Variants in ACLY observed in about 807,000 individuals in gnomAD.
The protein encoded by ACLY is ATP citrate lyase, also known as ATP-citrate synthase.
ACLY carries 41 observed loss-of-function variants against 133.0 expected under a neutral mutation model. The ratio of observed to expected loss-of-function variants is 0.31; its 90% confidence interval spans 0.24 to 0.40. ACLY has a LOEUF of 0.40. Ranked by LOEUF, ACLY falls within the 10% of genes least tolerant of loss-of-function variation. The pLI, the probability that ACLY is intolerant of heterozygous loss-of-function variation, is 1.00. For synonymous variants in ACLY, 495 were observed against 549.3 expected, an observed-to-expected ratio of 0.90 and a Z score of 1.38; for missense variants, 1,046 against 1,453.8, an observed-to-expected ratio of 0.72 and a Z score of 4.56.
upstream of ACLY, among the ~76,000 whole-genome samples, chr17:41,920,210 G>C (rs573098336): frequency 2.7e-4 from 41 of 152,328 alleles, no homozygotes; most frequent in African/African-American, 8.7e-4. Flanking sequence ...ACCCATGCCT[G>C]AATCAAGTGT....
intron 14 of ACLY, among the ~76,000 whole-genome samples, chr17:41,895,569 AC>A (rs781840887): frequency 1.1e-4 from 17 of 152,114 alleles, no homozygotes; most frequent in Non-Finnish European, 2.2e-4. Flanking sequence ...TCCCTGACAC[AC>A]CCTCCTTTTA....
intron 10 of ACLY, among the ~76,000 whole-genome samples, chr17:41,902,719 C>G (rs1205172552): frequency 6.6e-6 from 1 of 152,222 alleles, no homozygotes; most frequent in African/African-American, 2.4e-5. Flanking sequence ...TACAGGGCAG[C>G]TCAGAAGTTA....
In ACLY at chr17:41,909,629, A is replaced by T; in HGVS notation, c.417T>A (p.Gly139=). ...GDYVLFHHEG[G]VDVGDVDAKA... ...TGGCGTCCACATCACCCACGTCCAC[A>T]CCCCCCTCGTGGTGGAACAGGACGT... The change falls in exon 5 of 29, where the codon GGT becomes GGA. Residue 139 remains glycine, a synonymous_variant. Coordinates refer to ENST00000352035, the MANE Select transcript of ACLY (RefSeq NM_001096.3). The T allele has an allele frequency of 6.2e-7, 1 of 1,613,570 alleles. No individual in the cohort carries two copies. Among genetic ancestry groups the T allele is most frequent in the Non-Finnish European group, 8.5e-7 (1 of 1,179,860 alleles).
chr17:41,925,314 T>C (rs1466990938), intron 1 of ACLY, among the ~76,000 whole-genome samples: 8 of 151,472 alleles, frequency 5.3e-5, no homozygotes, highest in Admixed American at 4.0e-4. Flanking sequence ...AGGAGTCTTC[T>C]GGCCAGGCAT....
intron 14 of ACLY, 109 bp from the exon 15 acceptor site, chr17:41,893,283 T>C: frequency 8.0e-7 from 1 of 1,257,504 alleles, no homozygotes; most frequent in Non-Finnish European, 1.1e-6. Context: ...CACAGGGTGA[T>C]GCCTCATCAC....
upstream of ACLY, among the ~76,000 whole-genome samples, chr17:41,919,320 A>AGGGGGGGGGGGGGG (rs2050144149): frequency 6.7e-6 from 1 of 149,024 alleles, no homozygotes; most frequent in Non-Finnish European, 1.5e-5. Flanking sequence ...AGGGGCGGGT[A>AGGGGGGGGGGGGGG]GGATTAGCCC....
chr17:41,875,594 G>A (rs530651965), intron 22 of ACLY, among the ~76,000 whole-genome samples: 6 of 152,126 alleles, frequency 3.9e-5, no homozygotes, highest in Admixed American at 6.5e-5. Flanking sequence ...GGCGCGCGCC[G>A]CCACGCCTGA....
intron 1 of ACLY, among the ~76,000 whole-genome samples, chr17:41,918,535 G>A (rs896154941): frequency 1.3e-5 from 2 of 152,240 alleles, no homozygotes; most frequent in Admixed American, 6.5e-5. Context: ...CGATGAGCCC[G>A]AGGAGCCTCG....
intron 13 of ACLY, 83 bp downstream of exon 13, chr17:41,897,666 G>A (rs2049409242): frequency 1.5e-6 from 2 of 1,329,282 alleles, no homozygotes; most frequent in Non-Finnish European, 2.1e-6. Context: ...TGCCAGCCCA[G>A]GGGGGAAAGG....
chr17:41,899,211 G>A (rs2049456766), intron 11 of ACLY, among the ~76,000 whole-genome samples: 1 of 151,866 alleles, frequency 6.6e-6, no homozygotes, highest in Admixed American at 6.6e-5. Flanking sequence ...GGAGGCAGAG[G>A]TTGCAAAGTA....
At chr17:41,889,617 A>C (rs1341504008) in intron 16 of ACLY, among the ~76,000 whole-genome samples, 9 of 146,452 alleles carry the variant, frequency 6.1e-5, no homozygotes, top group Admixed American at 1.4e-4. Flanking sequence ...AGACAATTTT[A>C]TATTCTCCAG....
intron 8 of ACLY, among the ~76,000 whole-genome samples, chr17:41,906,026 A>G (rs781877549): frequency 2.0e-5 from 3 of 152,244 alleles, no homozygotes; most frequent in Non-Finnish European, 4.4e-5. Context: ...TGCCAGTCAC[A>G]CACAGAAGGG....
In ACLY at chr17:41,878,840, C is replaced by G; in HGVS notation, c.2350G>C (p.Val784Leu). The change falls in exon 21 of 29, where the codon GTG becomes CTG. Residue 784 changes from valine to leucine, a missense_variant. Transcript: ENST00000352035. ...TCATCAAAGCTCCGGGGCACAAACA[C>G]TCCTGCTTCCTTCAAAGCCTGGTTC... is the stretch of plus-strand genomic sequence containing the variant. The part of the protein sequence containing the change: ...AKNQALKEAG[V>L]FVPRSFDELG... 1 of 1,614,124 alleles carries G rather than the reference C, an allele frequency of 6.2e-7. No individual in the cohort carries two copies. Among genetic ancestry groups the G allele is most frequent in the Non-Finnish European group, 8.5e-7 (1 of 1,179,992 alleles).
At chr17:41,896,046 G>A (rs1440379592) in intron 14 of ACLY, among the ~76,000 whole-genome samples, 8 of 152,026 alleles carry the variant, frequency 5.3e-5, no homozygotes, top group Middle Eastern at 3.2e-3. Flanking sequence ...CTGCGCTTCC[G>A]TCTACCTCCT....
At chr17:41,912,998 C>T (rs1439190185) in intron 2 of ACLY, among the ~76,000 whole-genome samples, 2 of 152,276 alleles carry the variant, frequency 1.3e-5, no homozygotes, top group Admixed American at 6.5e-5. Context: ...ACAACAGGCC[C>T]AATAAGCAGC....
At chr17:41,920,954 C>G (rs906940855), upstream of ACLY, among the ~76,000 whole-genome samples, 5 of 152,014 alleles carry the variant, frequency 3.3e-5, no homozygotes, top group South Asian at 6.3e-4. Flanking sequence ...CCCAGCTACT[C>G]AGGAGGCTGA....
intron 2 of ACLY, 81 bp from the exon 3 acceptor site, chr17:41,912,623 C>T: frequency 6.5e-7 from 1 of 1,542,362 alleles, no homozygotes. Flanking sequence ...TAGAGGACAG[C>T]AGGGATTGAC....
At chr17:41,880,881 C>G (rs1180980442) in intron 20 of ACLY, among the ~76,000 whole-genome samples, 1 of 150,576 alleles carries the variant, frequency 6.6e-6, no homozygotes, top group African/African-American at 2.4e-5. Context: ...AAAAAAAACA[C>G]AAAAACCTAA....
chr17:41,881,853 T>C (rs2048925771), intron 20 of ACLY, among the ~76,000 whole-genome samples: 1 of 152,188 alleles, frequency 6.6e-6, no homozygotes, highest in Non-Finnish European at 1.5e-5. Context: ...CCTCCCCTTT[T>C]ACTTACATGG....
Sources: allele counts gnomAD v4.1 joint callset (sites outside exome capture counted in the v4.1 genomes callset), GRCh38; gene constraint gnomAD v4.1.1; transcripts MANE v1.5; gene names NCBI Gene and HGNC (gene_info 2026-07-23, HGNC 2026-07-21).